CACNA1D: variants seen among roughly 807,000 people sequenced by gnomAD.
CACNA1D encodes voltage-dependent L-type calcium channel subunit alpha-1D.
In CACNA1D, 55 loss-of-function variants were observed where a neutral mutation model predicts 257.1. That is an observed-to-expected ratio of 0.21 (90% CI 0.17 to 0.27). The LOEUF (loss-of-function observed/expected upper bound fraction) is 0.27. CACNA1D is among the 10% of genes least tolerant of loss of function. The pLI is 1.00. For synonymous variants in CACNA1D, 980 were observed against 1,014.9 expected, an observed-to-expected ratio of 0.97 and a Z score of 0.65; for missense variants, 1,876 against 2,784.0, an observed-to-expected ratio of 0.67 and a Z score of 7.34.
At chr3:53,637,683 G>A (rs1020807961) in intron 3 of CACNA1D, among the ~76,000 whole-genome samples, 1 of 152,142 alleles carries the variant, frequency 6.6e-6, no homozygotes, top group Non-Finnish European at 1.5e-5. Context: ...ATGGATGAGA[G>A]TGACCTTGGA....
At chr3:53,720,533 T>A (rs2094871607) in intron 11 of CACNA1D, among the ~76,000 whole-genome samples, 1 of 152,160 alleles carries the variant, frequency 6.6e-6, no homozygotes, top group African/African-American at 2.4e-5. Context: ...CCCATATATA[T>A]AAAGATTAAT....
Position 53,660,243 on chromosome 3 carries a change from T to C in CACNA1D, c.734T>C (p.Leu245Ser). The C allele has an allele frequency of 6.2e-7, 1 of 1,614,164 alleles. No individual in the cohort carries two copies. The highest frequency in any genetic ancestry group is 1.1e-5 in the South Asian group (1 of 91,086). The change falls in exon 5 of 48, where the codon TTG becomes TCG. Residue 245 changes from leucine (L) to serine (S), a missense_variant. Coordinates refer to ENST00000350061, the MANE Select transcript of CACNA1D (RefSeq NM_001128840.3). ...DVKALRAFRV[L>S]RPLRLVSGVP... Reference sequence around the variant, plus strand: ...AAAGCCCTCCGTGCCTTTCGAGTGTTGCGACCACTTCGACTAGTGTCAGGA... The same window carrying C: ...AAAGCCCTCCGTGCCTTTCGAGTGTCGCGACCACTTCGACTAGTGTCAGGA...
intron 33 of CACNA1D, chr3:53,773,887 A>C (rs545441299): frequency 1.0e-4 from 16 of 152,408 alleles, no homozygotes; most frequent in Admixed American, 9.8e-4. Context: ...CCCCAGATTC[A>C]CCCAGCAGGC....
At chr3:53,776,783 G>C in intron 36 of CACNA1D, 53 bp downstream of exon 36, 1 of 1,614,134 alleles carries the variant, frequency 6.2e-7, no homozygotes. Context: ...TGGAATGTCA[G>C]CTTTTTTTGT....
Position 53,616,276 on chromosome 3 carries a change from G to C in CACNA1D, c.484-34503G>C, listed in dbSNP as rs149449181. Among the ~76,000 whole-genome samples the C allele has an allele frequency of 6.0e-3, 913 of 152,292 alleles. 6 individuals are homozygous for C. Among genetic ancestry groups the C allele is most frequent in the South Asian group, 0.033 (159 of 4,822 alleles). ...ACCTGGAGCTGAAGAAAGGGTACCG[G>C]CCCCCCGGTTCATATCATCATGTCT... On this transcript the variant is annotated intron_variant, in intron 3 of 47. Coordinates refer to ENST00000350061, the MANE Select transcript of CACNA1D (RefSeq NM_001128840.3).
chr3:53,802,292 A>C (rs2095540241), intron 43 of CACNA1D, 119 bp downstream of exon 43: 1 of 892,290 alleles, frequency 1.1e-6, no homozygotes, highest in African/African-American at 1.6e-5. Flanking sequence ...AGGTTATCAT[A>C]ATTCATGGCT....
At chr3:53,623,079 G>C (rs2093716152) in intron 3 of CACNA1D, among the ~76,000 whole-genome samples, 1 of 152,186 alleles carries the variant, frequency 6.6e-6, no homozygotes, top group Non-Finnish European at 1.5e-5. Context: ...TTTTACTAGG[G>C]ACGGGGTTTC....
chr3:53,638,124 C>T (rs2093907387), intron 3 of CACNA1D, among the ~76,000 whole-genome samples: 1 of 152,234 alleles, frequency 6.6e-6, no homozygotes, highest in Non-Finnish European at 1.5e-5. Context: ...GCTGCCTGTT[C>T]TCCACTGACC....
At chr3:53,650,971 G>T in intron 4 of CACNA1D, 53 bp downstream of exon 4, 3 of 1,429,116 alleles carry the variant, frequency 2.1e-6, no homozygotes, top group Non-Finnish European at 2.0e-6. Context: ...GGAGGTGGAG[G>T]TTGGGGGGGG....
rs1490222354 is a variant in CACNA1D, at chr3:53,812,761, C to CT, written c.*1356dup. The CT allele has an allele frequency of 6.6e-6, 1 of 152,224 alleles. No individual in the cohort carries two copies. The highest frequency in any genetic ancestry group is 6.5e-5 in the Admixed American group (1 of 15,284). The allele number at this position is 152,224 out of a possible 1,614,324, so 9.4% of individuals were successfully genotyped here. A position where few individuals can be genotyped will look rare whatever the true frequency, so the allele number is the denominator to read the frequency against. On this transcript the variant is annotated 3_prime_UTR_variant, in exon 48 of 48. Coordinates refer to ENST00000350061, the MANE Select transcript of CACNA1D (RefSeq NM_001128840.3). Reference sequence around the variant, plus strand: ...TCTTGTCCTCTGGGGACTGGTGGTGCTGCTTAAGAAATAAGGGGTGCTGGG... The same window carrying CT: ...TCTTGTCCTCTGGGGACTGGTGGTGCTTGCTTAAGAAATAAGGGGTGCTGGG...
Position 53,527,232 on chromosome 3 carries a change from G to T in CACNA1D, c.483+25512G>T, listed in dbSNP as rs983415157. On this transcript the variant is annotated intron_variant, in intron 3 of 47. Coordinates refer to ENST00000350061, the MANE Select transcript of CACNA1D (RefSeq NM_001128840.3). ...TAGTGGCTGGAAGGTTGCAGGGCAA[G>T]GCCTATTGCCAGAATCTTCTCAGAT... Among the ~76,000 whole-genome samples the T allele has an allele frequency of 2.0e-5, 3 of 152,010 alleles. No homozygotes were observed. In the South Asian group the frequency reaches 6.2e-4, roughly 32 times the overall value.
chr3:53,745,993 A>T (rs2095165167), intron 25 of CACNA1D, 118 bp downstream of exon 25: 1 of 768,670 alleles, frequency 1.3e-6, no homozygotes, highest in Middle Eastern at 2.8e-4. Context: ...CTGTGTGCTC[A>T]GCTTGTGGGT....
At chr3:53,508,536 C>T (rs962133009) in intron 3 of CACNA1D, among the ~76,000 whole-genome samples, 4 of 152,178 alleles carry the variant, frequency 2.6e-5, no homozygotes, top group Non-Finnish European at 5.9e-5. Context: ...TTCGTAAGTT[C>T]TTATCATTTA....
intron 15 of CACNA1D, among the ~76,000 whole-genome samples, chr3:53,728,176 G>T (rs1024451513): frequency 1.3e-5 from 2 of 152,066 alleles, no homozygotes; most frequent in South Asian, 2.1e-4. Flanking sequence ...ACTCTGTCAC[G>T]CAGGCTGGAT....
At chr3:53,628,906 G>A (rs1387987018) in intron 3 of CACNA1D, among the ~76,000 whole-genome samples, 1 of 152,232 alleles carries the variant, frequency 6.6e-6, no homozygotes, top group Non-Finnish European at 1.5e-5. Flanking sequence ...GAAGGAACAA[G>A]GCTAGGTAAT....
intron 3 of CACNA1D, among the ~76,000 whole-genome samples, chr3:53,521,361 T>C (rs201426215): frequency 2.0e-4 from 31 of 152,332 alleles, no homozygotes; most frequent in Non-Finnish European, 4.0e-4. Context: ...TTCTTGATGG[T>C]ATCCTTCAAG....
intron 39 of CACNA1D, chr3:53,782,275 T>TGC (rs1176600294): frequency 1.4e-5 from 2 of 140,174 alleles, no homozygotes; most frequent in African/African-American, 5.3e-5. Flanking sequence ...TATATATATA[T>TGC]ATATATATAT....
At chr3:53,656,242 G>T (rs1234528174) in intron 4 of CACNA1D, among the ~76,000 whole-genome samples, 1 of 152,114 alleles carries the variant, frequency 6.6e-6, no homozygotes, top group Non-Finnish European at 1.5e-5. Flanking sequence ...TTTTGCTTAG[G>T]ATTGCCTTGG....
chr3:53,765,720 A>G (rs551988193), intron 30 of CACNA1D: 8 of 152,556 alleles, frequency 5.2e-5, no homozygotes, highest in Admixed American at 5.2e-4. Context: ...CTGAGAAATG[A>G]TTGAATTCAG....
Sources: allele counts gnomAD v4.1 joint callset (sites outside exome capture counted in the v4.1 genomes callset), GRCh38; gene constraint gnomAD v4.1.1; transcripts MANE v1.5; gene names NCBI Gene and HGNC (gene_info 2026-07-23, HGNC 2026-07-21).